AKAP5: variants seen among roughly 807,000 people sequenced by gnomAD.
AKAP5 encodes the protein A-kinase anchor protein 5.
AKAP5 carries 5 observed loss-of-function variants against 13.8 expected under a neutral mutation model. The observed-to-expected ratio is 0.36, with a 90% CI of 0.19 to 0.76. The LOEUF (loss-of-function observed/expected upper bound fraction) is 0.76. AKAP5 is among the 30% of genes least tolerant of loss of function. AKAP5 has a pLI of 0.51. For synonymous variants in AKAP5, 148 were observed against 167.2 expected (o/e 0.89, Z 0.89); for missense variants, 406 against 484.4 (o/e 0.84, Z 1.52).
Position 64,468,908 on chromosome 14 carries a change from C to G in AKAP5, c.514C>G (p.Gln172Glu). ...DIQTQTPLND[Q>E]ATKAKSTQDL... Reference sequence around the variant, plus strand: ...ACAAACACAGACCCCATTGAATGATCAGGCAACAAAGGCTAAGTCAACCCA... The same window carrying G: ...ACAAACACAGACCCCATTGAATGATGAGGCAACAAAGGCTAAGTCAACCCA... Residue 172 changes from glutamine to glutamate, a missense_variant, in exon 2 of 2, where the codon CAG (glutamine) becomes GAG (glutamate). Physicochemically the swap from Gln to Glu is conservative, Grantham distance 29. Coordinates refer to ENST00000394718, the MANE Select transcript of AKAP5 (RefSeq NM_004857.3). 6.2e-7 allele frequency: 1 copy of G among 1,614,162 alleles called. No homozygotes were observed.
At chr14:64,467,098 AT>A (rs1202162359) in intron 1 of AKAP5, 2 of 152,324 alleles carry the variant, frequency 1.3e-5, no homozygotes, top group Non-Finnish European at 2.9e-5. Flanking sequence ...CCATTAATCA[AT>A]TTTTTAATTT....
chr14:64,470,000 T>C lies in AKAP5; in HGVS notation c.*322T>C, dbSNP rs190319555. On this transcript the variant is annotated 3_prime_UTR_variant, in exon 2 of 2. Transcript: ENST00000394718. The stretch of plus-strand genomic sequence containing the variant: ...TTTATTGAGCACTTATGGTATGCCA[T>C]AAGCTTTTTAATGACCTCTGATATA... 96 of 211,370 alleles carry C rather than the reference T, an allele frequency of 4.5e-4. No homozygotes were observed. Among genetic ancestry groups the C allele is most frequent in the African/African-American group, 1.9e-3 (82 of 43,046 alleles). 13.1% of individuals were successfully genotyped at this position (211,370 alleles called of 1,614,324 possible). A position where few individuals can be genotyped will look rare whatever the true frequency, so the allele number is the denominator to read the frequency against.
At chr14:64,466,997 A>G (rs2078618970) in intron 1 of AKAP5, 1 of 152,232 alleles carries the variant, frequency 6.6e-6, no homozygotes. Flanking sequence ...AATAAAATAT[A>G]AAGAATTTCA....
chr14:64,468,626 G>T lies in AKAP5; in HGVS notation c.232G>T (p.Ala78Ser), dbSNP rs757989095. 2 of 1,613,780 alleles carry T rather than the reference G, an allele frequency of 1.2e-6. No homozygotes were observed. The highest frequency in any genetic ancestry group is 1.7e-5 in the Admixed American group (1 of 60,000). ...ASDQPEPTRG[A>S]WASLKRLVTR... ...TGATCAGCCAGAGCCCACACGGGGG[G>T]CCTGGGCCTCACTCAAACGTCTTGT... The change falls in exon 2 of 2, where the codon GCC (alanine) becomes TCC (serine). Residue 78 changes from alanine (A) to serine (S), a missense_variant. Ala to Ser is a moderately conservative substitution (Grantham distance 99). Coordinates refer to ENST00000394718, the MANE Select transcript of AKAP5 (RefSeq NM_004857.3).
At chr14:64,467,316 T>C (rs1430141959) in intron 1 of AKAP5, 2 of 152,206 alleles carry the variant, frequency 1.3e-5, no homozygotes, top group African/African-American at 2.4e-5. Flanking sequence ...TGGTGAGGAT[T>C]AGAGATGTAT....
intron 1 of AKAP5, among the ~76,000 whole-genome samples, chr14:64,465,990 T>G (rs1277914688): frequency 2.0e-5 from 3 of 152,146 alleles, no homozygotes; most frequent in African/African-American, 7.2e-5. Context: ...TTGAGTACTT[T>G]ATCCTGCGCT....
At position 64,473,162 on chromosome 14, in the gene AKAP5, T is replaced by G. The variant is rs1398173319; in HGVS notation, c.*3484T>G. 6.0e-6 allele frequency: 1 copy of G among 167,024 alleles called. No individual in the cohort carries two copies. Among genetic ancestry groups the G allele is most frequent in the Non-Finnish European group, 1.5e-5 (1 of 68,108 alleles). The allele number at this position is 167,024 out of a possible 1,614,324, so 10.3% of individuals were successfully genotyped here. A position where few individuals can be genotyped will look rare whatever the true frequency, so the allele number is the denominator to read the frequency against. ...TTATGTAGCACTATTCACTTAACAT[T>G]TTTTCAAAGCACTTTATAGGATATA... is the stretch of plus-strand genomic sequence containing the variant. On this transcript the variant is annotated 3_prime_UTR_variant, in exon 2 of 2. Transcript: ENST00000394718.
Position 64,469,687 on chromosome 14 carries a change from C to T in AKAP5, c.*9C>T. The T allele has an allele frequency of 6.5e-7, 1 of 1,530,510 alleles. No homozygotes were observed. The highest frequency in any genetic ancestry group is 1.3e-5 in the South Asian group (1 of 78,348). 94.8% of individuals were successfully genotyped at this position (1,530,510 alleles called of 1,614,324 possible). On this transcript the variant is annotated 3_prime_UTR_variant, in exon 2 of 2. Coordinates refer to ENST00000394718, the MANE Select transcript of AKAP5 (RefSeq NM_004857.3). Reference sequence around the variant, plus strand: ...ACAATCTTCTACAGTGACTTACTCTCCAGAGTCACGGCAGAAAAAACAAGC... The same window carrying T: ...ACAATCTTCTACAGTGACTTACTCTTCAGAGTCACGGCAGAAAAAACAAGC...
rs1322616432 is a variant in AKAP5 at position 64,466,251 on chromosome 14, A to C, written c.-264+638A>C. ...TGCTGGTTAAGAGCGAATCATTTGC[A>C]GTCTGACATTCTGCAAAGTTTTATT... On this transcript the variant is annotated intron_variant, in intron 1 of 1. Transcript: ENST00000394718. Among the ~76,000 whole-genome samples, 5 of 152,374 alleles carry C rather than the reference A, an allele frequency of 3.3e-5. No homozygotes were observed. In the South Asian group the frequency reaches 8.3e-4, roughly 25 times the overall value.
rs1216283606 is a variant in AKAP5 at position 64,473,424 on chromosome 14, T to C, written c.*3746T>C. On this transcript the variant is annotated 3_prime_UTR_variant, in exon 2 of 2. Coordinates refer to ENST00000394718, the MANE Select transcript of AKAP5 (RefSeq NM_004857.3). ...CAGCGGAGTCTTAGAATCTCTTTTA[T>C]TTACTTCTGAGAGATTGTTATTTCA... The C allele has an allele frequency of 6.0e-6, 1 of 167,050 alleles. No individual in the cohort carries two copies. The highest frequency in any genetic ancestry group is 1.5e-5 in the Non-Finnish European group (1 of 68,110). 10.3% of individuals were successfully genotyped at this position (167,050 alleles called of 1,614,324 possible). A position where few individuals can be genotyped will look rare whatever the true frequency, so the allele number is the denominator to read the frequency against.
rs1316572150 is a variant in AKAP5 at position 64,465,511 on chromosome 14, T to G, written c.-366T>G. 6.6e-6 allele frequency: 1 copy of G among 151,996 alleles called. No homozygotes were observed. Among genetic ancestry groups the G allele is most frequent in the Non-Finnish European group, 1.5e-5 (1 of 67,998 alleles). 9.4% of individuals were successfully genotyped at this position (151,996 alleles called of 1,614,324 possible). A position where few individuals can be genotyped will look rare whatever the true frequency, so the allele number is the denominator to read the frequency against. On this transcript the variant is annotated 5_prime_UTR_variant, in exon 1 of 2. Transcript: ENST00000394718. ...GGCGGCGGGCTCTGCAGAGGGCGCCTTGCTCCGGGTGCGACCGCGGCTCCC... is the reference window on the plus strand; with the variant it reads ...GGCGGCGGGCTCTGCAGAGGGCGCCGTGCTCCGGGTGCGACCGCGGCTCCC...
chr14:64,468,717 C>G lies in AKAP5; in HGVS notation c.323C>G (p.Ala108Gly), dbSNP rs2078637088. Residue 108 changes from alanine (A) to glycine (G), a missense_variant, in exon 2 of 2, where the codon GCA (alanine) becomes GGA (glycine). By Grantham distance (60) the Ala-to-Gly change is moderately conservative. Coordinates refer to ENST00000394718, the MANE Select transcript of AKAP5 (RefSeq NM_004857.3). ...QKPLEGEMQP[A>G]INAEDADLSK... Reference sequence around the variant, plus strand: ...CCATTGGAGGGTGAAATGCAACCTGCAATAAATGCTGAGGATGCTGATCTT... The same window carrying G: ...CCATTGGAGGGTGAAATGCAACCTGGAATAAATGCTGAGGATGCTGATCTT... The G allele has an allele frequency of 6.2e-7, 1 of 1,613,986 alleles. No individual in the cohort carries two copies. The highest frequency in any genetic ancestry group is 1.3e-5 in the African/African-American group (1 of 74,896).
rs2078665388 is a variant in AKAP5, at chr14:64,471,133, T to G, written c.*1455T>G. 6.0e-6 allele frequency: 1 copy of G among 166,692 alleles called. No individual in the cohort carries two copies. The highest frequency in any genetic ancestry group is 6.6e-5 in the Admixed American group (1 of 15,202). The allele number at this position is 166,692 out of a possible 1,614,324, so 10.3% of individuals were successfully genotyped here. On this transcript the variant is annotated 3_prime_UTR_variant, in exon 2 of 2. Coordinates refer to ENST00000394718, the MANE Select transcript of AKAP5 (RefSeq NM_004857.3). Reference sequence around the variant, plus strand: ...TTTACATGAATATTGAAAGTTAACTTTTTCATCACTATTTTCTTTTCTTTT... The same window carrying G: ...TTTACATGAATATTGAAAGTTAACTGTTTCATCACTATTTTCTTTTCTTTT...
rs1173529161 is a variant in AKAP5, at chr14:64,472,879, A to G, written c.*3201A>G. On this transcript the variant is annotated 3_prime_UTR_variant, in exon 2 of 2. Coordinates refer to ENST00000394718, the MANE Select transcript of AKAP5 (RefSeq NM_004857.3). ...AATTCATGTCCATTTAACAACATTA[A>G]AATAATTATTAGGAACACCACATGA... 6.0e-6 allele frequency: 1 copy of G among 167,060 alleles called. No individual in the cohort carries two copies. The highest frequency in any genetic ancestry group is 6.5e-5 in the Admixed American group (1 of 15,284). 10.3% of individuals were successfully genotyped at this position (167,060 alleles called of 1,614,324 possible).
rs192010673 is a variant in AKAP5 at position 64,472,548 on chromosome 14, G to A, written c.*2870G>A. Reference sequence around the variant, plus strand: ...AATGTACTGATTGTTTTTATGATAAGATGTATATTTTACTTGCATTCATTC... The same window carrying A: ...AATGTACTGATTGTTTTTATGATAAAATGTATATTTTACTTGCATTCATTC... On this transcript the variant is annotated 3_prime_UTR_variant, in exon 2 of 2. Transcript: ENST00000394718. 7.2e-5 allele frequency: 12 copies of A among 166,996 alleles called. No homozygotes were observed. The East Asian group carries it at 2.1e-3, about 29-fold the overall frequency. The allele number at this position is 166,996 out of a possible 1,614,324, so 10.3% of individuals were successfully genotyped here. A position where few individuals can be genotyped will look rare whatever the true frequency, so the allele number is the denominator to read the frequency against.
chr14:64,469,481 T>C lies in AKAP5; in HGVS notation c.1087T>C (p.Leu363=). Residue 363 remains leucine, a synonymous_variant, in exon 2 of 2, where the codon TTA becomes CTA. Transcript: ENST00000394718. ...TKSKNVPKQF[L]ISAENEQVGV... ...ATCTAAAAATGTCCCTAAGCAATTC[T>C]TAATTTCAGCTGAAAATGAGCAAGT... 1 of 1,613,274 alleles carries C rather than the reference T, an allele frequency of 6.2e-7. No homozygotes were observed. Among genetic ancestry groups the C allele is most frequent in the Admixed American group, 1.7e-5 (1 of 59,884 alleles).
chr14:64,468,406 A>C lies in AKAP5; in HGVS notation c.12A>C (p.Thr4=). The part of the protein sequence containing the change: MET[T]ISEIHVENKD... ...AGTGCAGTGTAAAAATGGAAACCAC[A>C]ATTTCAGAAATTCATGTAGAAAACA... is the stretch of plus-strand genomic sequence containing the variant. Residue 4 remains threonine (T), a synonymous_variant, in exon 2 of 2, where the codon ACA becomes ACC. Transcript: ENST00000394718. The C allele has an allele frequency of 6.2e-7, 1 of 1,601,628 alleles. No homozygotes were observed. The highest frequency in any genetic ancestry group is 8.5e-7 in the Non-Finnish European group (1 of 1,175,886).
chr14:64,468,936 A>G lies in AKAP5; in HGVS notation c.542A>G (p.Asp181Gly), dbSNP rs1447871286. Residue 181 changes from aspartate (D) to glycine (G), a missense_variant, in exon 2 of 2, where the codon GAT becomes GGT. Physicochemically the swap from Asp to Gly is moderately conservative, Grantham distance 94. Coordinates refer to ENST00000394718, the MANE Select transcript of AKAP5 (RefSeq NM_004857.3). Reference protein sequence around the residue: ...DQATKAKSTQDLSEGISRKDG... With the variant: ...DQATKAKSTQGLSEGISRKDG... ...GCAACAAAGGCTAAGTCAACCCAGG[A>G]TCTAAGTGAAGGCATCTCACGGAAA... 1.9e-6 allele frequency: 3 copies of G among 1,614,206 alleles called. No individual in the cohort carries two copies. Among genetic ancestry groups the G allele is most frequent in the African/African-American group, 1.3e-5 (1 of 75,058 alleles).
At position 64,472,475 on chromosome 14, in the gene AKAP5, C is replaced by G. The variant is rs548171583; in HGVS notation, c.*2797C>G. The G allele has an allele frequency of 6.0e-6, 1 of 166,852 alleles. No individual in the cohort carries two copies. The highest frequency in any genetic ancestry group is 1.9e-4 in the East Asian group (1 of 5,190). 10.3% of individuals were successfully genotyped at this position (166,852 alleles called of 1,614,324 possible). On this transcript the variant is annotated 3_prime_UTR_variant, in exon 2 of 2. Transcript: ENST00000394718. ...TAAGAAAGTAAAATTTTATCTAATA[C>G]TAGGTTTTTACTTTTTTCACTGTGG...
Sources: gnomAD v4.1 joint callset for allele counts (sites outside exome capture counted in the v4.1 genomes callset) on GRCh38, gnomAD v4.1.1 for gene constraint, MANE v1.5 for transcripts, NCBI Gene and HGNC (gene_info 2026-07-23, HGNC 2026-07-21) for gene names.